The following RMDN2 variants were observed in gnomAD, a reference collection of about 807,000 sequenced individuals.
RMDN2 encodes regulator of microtubule dynamics 2.
RMDN2 carries 61 observed loss-of-function variants against 52.8 expected under a neutral mutation model. That is an observed-to-expected ratio of 1.16 (90% CI 0.94 to 1.43). The LOEUF is 1.43. RMDN2 is among the 40% of genes most tolerant of loss of function. The pLI is 0.00. For missense variants in RMDN2, 592 were observed against 475.3 expected (o/e 1.25, Z -2.28); for synonymous variants, 180 against 153.1 (o/e 1.18, Z -1.30).
intron 2 of RMDN2, among the ~76,000 whole-genome samples, chr2:37,973,811 A>T (rs1355728002): frequency 1.3e-5 from 2 of 152,068 alleles, no homozygotes; most frequent in Non-Finnish European, 2.9e-5. Flanking sequence ...TGTGTATTTG[A>T]ATAAGAAGAG....
intron 1 of RMDN2, among the ~76,000 whole-genome samples, chr2:37,926,693 A>G (rs1482874992): frequency 6.6e-6 from 1 of 152,256 alleles, no homozygotes; most frequent in Non-Finnish European, 1.5e-5. Context: ...TTATCCCAGC[A>G]CTTTGAGAGG....
At chr2:38,021,344 T>C (rs1452640459), downstream of RMDN2, among the ~76,000 whole-genome samples, 2 of 152,112 alleles carry the variant, frequency 1.3e-5, no homozygotes, top group African/African-American at 4.8e-5. Flanking sequence ...GAGAAGAGAA[T>C]AAAAGGCTGC....
intron 4 of RMDN2, among the ~76,000 whole-genome samples, chr2:37,977,682 G>C (rs545105821): frequency 3.3e-5 from 5 of 151,988 alleles, no homozygotes; most frequent in Non-Finnish European, 7.4e-5. Flanking sequence ...ATTCCCAGAC[G>C]GGGTCGCGGC....
In RMDN2 at chr2:37,950,364, C is replaced by T. The variant is rs183549525; in HGVS notation, c.452+20635C>T. 1.4e-3 allele frequency: 1,915 copies of T among 1,348,858 alleles called. 1 individual carries two copies. Among genetic ancestry groups the T allele is most frequent in the Middle Eastern group, 2.9e-3 (16 of 5,452 alleles). 83.6% of individuals were successfully genotyped at this position (1,348,858 alleles called of 1,614,324 possible). A position where few individuals can be genotyped will look rare whatever the true frequency, so the allele number is the denominator to read the frequency against. On this transcript the variant is annotated intron_variant, in intron 2 of 10. Transcript: ENST00000354545. The stretch of plus-strand genomic sequence containing the variant: ...TCCACAGCCATGTGAATTCCAACTT[C>T]GGAGAAAGGTGAGCTACAGAACAGT...
At chr2:37,971,788 T>G (rs1671844914) in intron 2 of RMDN2, among the ~76,000 whole-genome samples, 1 of 152,164 alleles carries the variant, frequency 6.6e-6, no homozygotes, top group South Asian at 2.1e-4. Context: ...GGGGTAAGTC[T>G]TCTCTCCTTG....
chr2:38,056,144 C>T (rs1006370196), intron 10 of RMDN2, among the ~76,000 whole-genome samples: 4 of 152,178 alleles, frequency 2.6e-5, no homozygotes, highest in Non-Finnish European at 5.9e-5. Flanking sequence ...AGCACTGTGC[C>T]AGGCACCCGG....
At chr2:37,930,113 C>T (rs1385448935) in intron 2 of RMDN2, among the ~76,000 whole-genome samples, 2 of 152,220 alleles carry the variant, frequency 1.3e-5, no homozygotes, top group African/African-American at 4.8e-5. Context: ...GTCTGTGCTG[C>T]CCAATGTGGT....
chr2:37,998,290 G>GC (rs1163367949), intron 8 of RMDN2: 2 of 152,276 alleles, frequency 1.3e-5, no homozygotes, highest in Admixed American at 6.5e-5. Context: ...ACTTTGGAAG[G>GC]CCGAGGTAGG....
At chr2:37,976,877 C>A (rs1275542118) in intron 4 of RMDN2, among the ~76,000 whole-genome samples, 1 of 146,272 alleles carries the variant, frequency 6.8e-6, no homozygotes, top group Non-Finnish European at 1.5e-5. Flanking sequence ...ATTGATCATT[C>A]TTGGGTGTTT....
At chr2:37,937,691 C>T (rs564700090) in intron 2 of RMDN2, among the ~76,000 whole-genome samples, 22 of 151,298 alleles carry the variant, frequency 1.5e-4, no homozygotes, top group Non-Finnish European at 2.8e-4. Flanking sequence ...TGATTTGACT[C>T]TCTATTATTG....
chr2:38,003,369 A>G (rs1337243112), intron 8 of RMDN2, among the ~76,000 whole-genome samples: 1 of 152,130 alleles, frequency 6.6e-6, no homozygotes. Flanking sequence ...CCTGGACAAT[A>G]TGGTGAAATC....
intron 10 of RMDN2, among the ~76,000 whole-genome samples, chr2:38,031,726 G>A (rs1680220769): frequency 6.6e-6 from 1 of 152,172 alleles, no homozygotes; most frequent in African/African-American, 2.4e-5. Context: ...TACTGGAGGT[G>A]CAGAAGCAAA....
intron 8 of RMDN2, among the ~76,000 whole-genome samples, chr2:38,001,276 T>C (rs182532344): frequency 2.6e-4 from 39 of 152,350 alleles, no homozygotes; most frequent in Non-Finnish European, 8.8e-5. Flanking sequence ...GGAACTTGGA[T>C]AGCCAAGACA....
rs1047466761 is a variant in RMDN2, at chr2:37,998,368, A to T, written c.1044+854A>T. 3 of 152,214 alleles carry T rather than the reference A, an allele frequency of 2.0e-5. No homozygotes were observed. In the East Asian group the frequency reaches 5.8e-4, roughly 29 times the overall value. The allele number at this position is 152,214 out of a possible 1,614,324, so 9.4% of individuals were successfully genotyped here. A position where few individuals can be genotyped will look rare whatever the true frequency, so the allele number is the denominator to read the frequency against. On this transcript the variant is annotated intron_variant, in intron 8 of 10. Coordinates refer to ENST00000354545, the MANE Select transcript of RMDN2 (RefSeq NM_001170791.3). ...ATAGCAACATGCCATCTCTACAAAA[A>T]AATAAAAAAATTTGCTGGGCATGGT...
intron 8 of RMDN2, among the ~76,000 whole-genome samples, chr2:37,998,692 G>C (rs1424629126): frequency 6.6e-6 from 1 of 152,098 alleles, no homozygotes; most frequent in Non-Finnish European, 1.5e-5. Flanking sequence ...GAAAAAATAA[G>C]TGTCCTGAAA....
At chr2:37,928,333 C>A (rs1223704416) in intron 1 of RMDN2, among the ~76,000 whole-genome samples, 1 of 152,182 alleles carries the variant, frequency 6.6e-6, no homozygotes, top group Non-Finnish European at 1.5e-5. Flanking sequence ...AAATCCTAAC[C>A]AGTAGACCAC....
intron 10 of RMDN2, among the ~76,000 whole-genome samples, chr2:38,058,592 C>G (rs1157185): frequency 6.6e-5 from 10 of 152,002 alleles, no homozygotes; most frequent in Admixed American, 6.5e-4. Context: ...CATAAGGAAC[C>G]ATAGCTTTGA....
At chr2:38,007,693 G>C (rs182160763) in intron 10 of RMDN2, among the ~76,000 whole-genome samples, 1 of 152,026 alleles carries the variant, frequency 6.6e-6, no homozygotes, top group Admixed American at 6.5e-5. Context: ...GGTTTTTTAT[G>C]TCTCTGTTTC....
chr2:37,936,387 A>G (rs1026111262), intron 2 of RMDN2, among the ~76,000 whole-genome samples: 1 of 152,180 alleles, frequency 6.6e-6, no homozygotes, highest in African/African-American at 2.4e-5. Flanking sequence ...AGAATGCTTT[A>G]TGATCCTTTG....
Sources: gnomAD v4.1 joint callset for allele counts (sites outside exome capture counted in the v4.1 genomes callset) on GRCh38, gnomAD v4.1.1 for gene constraint, MANE v1.5 for transcripts, NCBI Gene and HGNC (gene_info 2026-07-23, HGNC 2026-07-21) for gene names.